APBB2: variants seen among roughly 807,000 people sequenced by gnomAD.
APBB2 encodes the protein Fe65-like 1.
APBB2 carries 38 observed loss-of-function variants against 82.5 expected under a neutral mutation model. The ratio of observed to expected loss-of-function variants is 0.46; its 90% CI spans 0.36 to 0.60. The LOEUF (loss-of-function observed/expected upper bound fraction) is 0.60, where lower values mean the gene tolerates loss of function less well. APBB2 is among the 20% of genes least tolerant of loss of function. The pLI, the probability that APBB2 is intolerant of heterozygous loss-of-function variation, is 0.00. For missense variants in APBB2, 772 were observed against 972.3 expected (o/e 0.79, Z 2.74); for synonymous variants, 341 against 368.2 (o/e 0.93, Z 0.85).
chr4:40,912,350 G>A (rs1030578935), intron 10 of APBB2, among the ~76,000 whole-genome samples: 19 of 152,176 alleles, frequency 1.2e-4, no homozygotes, highest in Admixed American at 6.5e-5. Context: ...AGGCCAAGGC[G>A]GGCGGATCAC....
intron 12 of APBB2, among the ~76,000 whole-genome samples, chr4:40,872,396 G>A (rs996883673): frequency 3.9e-5 from 6 of 152,184 alleles, no homozygotes; most frequent in Non-Finnish European, 8.8e-5. Flanking sequence ...TAAGTCCTAA[G>A]GATAGGGATG....
At chr4:41,023,571 T>A (rs986232044) in intron 5 of APBB2, among the ~76,000 whole-genome samples, 1 of 152,000 alleles carries the variant, frequency 6.6e-6, no homozygotes, top group African/African-American at 2.4e-5. Context: ...AGAAACACAA[T>A]CTCATTCACA....
chr4:41,064,825 G>C (rs1731152892), intron 4 of APBB2, among the ~76,000 whole-genome samples: 1 of 152,168 alleles, frequency 6.6e-6, no homozygotes, highest in Non-Finnish European at 1.5e-5. Context: ...ATATTAAACA[G>C]AGACATACCC....
chr4:40,974,205 A>T (rs1281600875), intron 6 of APBB2, among the ~76,000 whole-genome samples: 1 of 151,358 alleles, frequency 6.6e-6, no homozygotes, highest in African/African-American at 2.5e-5. Context: ...CACTCTAATG[A>T]CCTTACCTTA....
At chr4:41,138,603 T>C (rs974133375) in intron 2 of APBB2, among the ~76,000 whole-genome samples, 2 of 152,186 alleles carry the variant, frequency 1.3e-5, no homozygotes, top group African/African-American at 4.8e-5. Flanking sequence ...AATGACTGAA[T>C]AACTAAGTCA....
At chr4:41,112,434 C>A (rs1250483087) in intron 2 of APBB2, among the ~76,000 whole-genome samples, 1 of 152,218 alleles carries the variant, frequency 6.6e-6, no homozygotes, top group Non-Finnish European at 1.5e-5. Context: ...CTATGCAGGG[C>A]ACTCCTGGTT....
chr4:40,848,849 A>T, intron 12 of APBB2: 1 of 985,122 alleles, frequency 1.0e-6, no homozygotes. Context: ...CATCATCCTG[A>T]TCATCACTGC....
intron 4 of APBB2, among the ~76,000 whole-genome samples, chr4:41,045,384 C>G (rs1723033256): frequency 6.6e-6 from 1 of 151,970 alleles, no homozygotes; most frequent in Non-Finnish European, 1.5e-5. Context: ...AGCTCCGCCT[C>G]CCATGTTCAC....
chr4:41,011,604 A>T (rs541632540), intron 6 of APBB2, among the ~76,000 whole-genome samples: 1 of 151,928 alleles, frequency 6.6e-6, no homozygotes, highest in South Asian at 2.1e-4. Flanking sequence ...CTAATTTTTA[A>T]TGTTTTAGTA....
chr4:41,183,191 C>T (rs1415428053), intron 1 of APBB2, among the ~76,000 whole-genome samples: 1 of 152,150 alleles, frequency 6.6e-6, no homozygotes, highest in East Asian at 1.9e-4. Context: ...TCCACACCAC[C>T]GCCCTCTCTA....
At chr4:40,997,946 G>A (rs554833330) in intron 6 of APBB2, among the ~76,000 whole-genome samples, 1 of 152,182 alleles carries the variant, frequency 6.6e-6, no homozygotes, top group Non-Finnish European at 1.5e-5. Flanking sequence ...TGATTGAGTT[G>A]CAAGTTGAAC....
At chr4:40,924,483 C>T (rs1273262814) in intron 10 of APBB2, among the ~76,000 whole-genome samples, 1 of 152,190 alleles carries the variant, frequency 6.6e-6, no homozygotes, top group Non-Finnish European at 1.5e-5. Flanking sequence ...TGACATGCTG[C>T]CATTGCCAAG....
chr4:41,138,669 A>C (rs536348537), intron 2 of APBB2, among the ~76,000 whole-genome samples: 5 of 152,218 alleles, frequency 3.3e-5, no homozygotes, highest in Non-Finnish European at 7.4e-5. Context: ...AAAAAGCTAC[A>C]TAACAGAATG....
At chr4:41,038,397 C>T (rs996135455) in intron 4 of APBB2, among the ~76,000 whole-genome samples, 1 of 152,074 alleles carries the variant, frequency 6.6e-6, no homozygotes, top group Admixed American at 6.6e-5. Flanking sequence ...TGACCAATTC[C>T]TCCTTCTCAA....
At chr4:41,176,597 T>C (rs1187098505) in intron 1 of APBB2, among the ~76,000 whole-genome samples, 1 of 152,086 alleles carries the variant, frequency 6.6e-6, no homozygotes, top group Non-Finnish European at 1.5e-5. Context: ...CTACAAAAAA[T>C]GTCAGTAATT....
At chr4:41,074,952 C>A (rs76153651) in intron 3 of APBB2, among the ~76,000 whole-genome samples, 1,902 of 152,142 alleles carry the variant, frequency 0.013, 34 homozygotes, top group African/African-American at 0.044. Flanking sequence ...AATTCCAACA[C>A]AAGCCTGAGA....
At chr4:41,073,123 C>A (rs1034405640) in intron 3 of APBB2, among the ~76,000 whole-genome samples, 1 of 152,160 alleles carries the variant, frequency 6.6e-6, no homozygotes, top group African/African-American at 2.4e-5. Context: ...TAGTTTCTAT[C>A]CAACTTTCAC....
intron 2 of APBB2, chr4:41,137,896 G>C (rs1758014106): frequency 6.6e-6 from 1 of 152,128 alleles, no homozygotes; most frequent in Non-Finnish European, 1.5e-5. Context: ...AATGTAAAGG[G>C]TAAAGCAACA....
intron 6 of APBB2, among the ~76,000 whole-genome samples, chr4:40,946,299 T>C (rs1175491365): frequency 1.4e-5 from 2 of 141,746 alleles, no homozygotes; most frequent in African/African-American, 2.7e-5. Flanking sequence ...AAGTCAACAA[T>C]GGACCAGACT....
Sources: allele counts gnomAD v4.1 joint callset (sites outside exome capture counted in the v4.1 genomes callset), GRCh38; gene constraint gnomAD v4.1.1; transcripts MANE v1.5; gene names NCBI Gene and HGNC (gene_info 2026-07-23, HGNC 2026-07-21).